ARHGAP5: variants seen among roughly 807,000 people sequenced by gnomAD.
ARHGAP5 encodes the protein rho GTPase-activating protein 5.
A neutral mutation model predicts 116.6 loss-of-function variants in ARHGAP5; 23 were observed. The observed-to-expected ratio is 0.20, with a 90% CI of 0.14 to 0.28. ARHGAP5 has a LOEUF of 0.28. ARHGAP5 is among the 10% of genes least tolerant of loss of function. ARHGAP5 has a pLI of 1.00. For missense variants in ARHGAP5, 1,405 were observed against 1,774.8 expected, an observed-to-expected ratio of 0.79 and a Z score of 3.74; for synonymous variants, 574 against 602.0, an observed-to-expected ratio of 0.95 and a Z score of 0.68.
chr14:32,083,806 C>T (rs2041802230), intron 1 of ARHGAP5, among the ~76,000 whole-genome samples: 1 of 152,166 alleles, frequency 6.6e-6, no homozygotes, highest in Non-Finnish European at 1.5e-5. Flanking sequence ...TTATGCCCTT[C>T]TCCCCACTTC....
intron 1 of ARHGAP5, among the ~76,000 whole-genome samples, chr14:32,077,692 A>G (rs1057237359): frequency 1.3e-5 from 2 of 151,966 alleles, no homozygotes; most frequent in African/African-American, 4.8e-5. Context: ...TCCACAGGTG[A>G]CGGGGCCAGG....
At position 32,091,491 on chromosome 14, in the gene ARHGAP5, T is replaced by C; in HGVS notation, c.822T>C (p.Asp274=). The C allele has an allele frequency of 6.2e-7, 1 of 1,613,286 alleles. No homozygotes were observed. Among genetic ancestry groups the C allele is most frequent in the Non-Finnish European group, 8.5e-7 (1 of 1,179,560 alleles). Residue 274 remains aspartate, a synonymous_variant, in exon 2 of 7, where the codon GAT becomes GAC. Transcript: ENST00000345122. ...GACAACTTGTTGTCACAGCAACAGA[T>C]AAGTTTGAAAAACTTGTGCAGACTG... ...TQRQLVVTAT[D]KFEKLVQTVR...
intron 3 of ARHGAP5, among the ~76,000 whole-genome samples, chr14:32,132,523 C>G (rs967802149): frequency 1.3e-5 from 2 of 152,092 alleles, no homozygotes; most frequent in Non-Finnish European, 2.9e-5. Context: ...AATTTTCTCC[C>G]ATTTTGTAGG....
chr14:32,115,815 C>CAA (rs35119475), intron 2 of ARHGAP5, among the ~76,000 whole-genome samples: 5,231 of 141,670 alleles, frequency 0.037, 260 homozygotes, highest in African/African-American at 0.11. Flanking sequence ...ACTAAAAATA[C>CAA]AAAAAAAAAA....
chr14:32,086,290 T>A lies in ARHGAP5; in HGVS notation c.-168-4212T>A, dbSNP rs1354847834. ...AGGTGAGAGAGGGTTGGAGAAGATC[T>A]TGTAAGCCATTGACAGGACTTGCTT... On this transcript the variant is annotated intron_variant, in intron 1 of 6. Coordinates refer to ENST00000345122, the MANE Select transcript of ARHGAP5 (RefSeq NM_001030055.2). 2.0e-5 allele frequency among the ~76,000 whole-genome samples: 3 copies of A among 152,260 alleles called. No homozygotes were observed. In the East Asian group the frequency reaches 5.8e-4, roughly 29 times the overall value.
intron 2 of ARHGAP5, among the ~76,000 whole-genome samples, chr14:32,094,602 A>G (rs750139175): frequency 3.9e-5 from 6 of 152,148 alleles, no homozygotes; most frequent in Non-Finnish European, 7.4e-5. Flanking sequence ...CAGCATAAAA[A>G]TTCTTGGTGA....
intron 1 of ARHGAP5, among the ~76,000 whole-genome samples, chr14:32,077,803 G>A (rs2041724418): frequency 6.6e-6 from 1 of 152,124 alleles, no homozygotes; most frequent in Admixed American, 6.5e-5. Context: ...TCCGTCGAGA[G>A]GGGAGGTGGC....
Position 32,090,862 on chromosome 14 carries a change from C to A in ARHGAP5, c.193C>A (p.Arg65=). ...SVLSTIDFGG[R]VVNNDHFLYW... is the part of the protein sequence containing the mutation. ...GCTTAGCACCATTGACTTTGGAGGA[C>A]GAGTAGTAAACAATGATCACTTTTT... The change falls in exon 2 of 7, where the codon CGA becomes AGA. Residue 65 remains arginine (R), a synonymous_variant. Coordinates refer to ENST00000345122, the MANE Select transcript of ARHGAP5 (RefSeq NM_001030055.2). 6.2e-7 allele frequency: 1 copy of A among 1,613,422 alleles called. No homozygotes were observed. The highest frequency in any genetic ancestry group is 8.5e-7 in the Non-Finnish European group (1 of 1,179,586).
At chr14:32,081,019 A>G (rs1481005856) in intron 1 of ARHGAP5, among the ~76,000 whole-genome samples, 1 of 152,180 alleles carries the variant, frequency 6.6e-6, no homozygotes, top group African/African-American at 2.4e-5. Context: ...TTCTAGTGTT[A>G]GATTAGATTT....
Position 32,152,430 on chromosome 14 carries a change from G to A in ARHGAP5, c.4083G>A (p.Pro1361=), listed in dbSNP as rs370895550. The part of the protein sequence containing the change: ...HPELLEAAKI[P]DKTERLHALK... Reference sequence around the variant, plus strand: ...ACTGTTTTAATTTTACAGAAATCCCGGATAAAACAGAACGTCTTCATGCCT... The same window carrying A: ...ACTGTTTTAATTTTACAGAAATCCCAGATAAAACAGAACGTCTTCATGCCT... Residue 1361 remains proline (P), a synonymous_variant, in exon 6 of 7, where the codon CCG becomes CCA. Coordinates refer to ENST00000345122, the MANE Select transcript of ARHGAP5 (RefSeq NM_001030055.2). The A allele has an allele frequency of 2.9e-5, 46 of 1,592,002 alleles. No homozygotes were observed. The highest frequency in any genetic ancestry group is 9.5e-5 in the African/African-American group (7 of 73,668).
intron 1 of ARHGAP5, among the ~76,000 whole-genome samples, chr14:32,079,014 C>T (rs955201987): frequency 3.3e-5 from 5 of 152,094 alleles, no homozygotes; most frequent in African/African-American, 1.2e-4. Flanking sequence ...TACTAATTGA[C>T]CTCCATTACC....
intron 2 of ARHGAP5, among the ~76,000 whole-genome samples, chr14:32,099,308 G>A (rs1174262283): frequency 1.3e-5 from 2 of 152,104 alleles, no homozygotes; most frequent in South Asian, 2.1e-4. Flanking sequence ...AGGAAGTTAC[G>A]GGTCATCGGC....
At chr14:32,115,291 G>GA (rs1185624648) in intron 2 of ARHGAP5, among the ~76,000 whole-genome samples, 2 of 152,180 alleles carry the variant, frequency 1.3e-5, no homozygotes, top group Non-Finnish European at 1.5e-5. Flanking sequence ...GTTAAACTGT[G>GA]AAAATTCTTA....
intron 3 of ARHGAP5, among the ~76,000 whole-genome samples, chr14:32,140,086 G>GTTTTTTTTT (rs1566681639): frequency 1.1e-4 from 5 of 43,632 alleles, no homozygotes; most frequent in Non-Finnish European, 2.4e-4. Flanking sequence ...TTTTTTTTTA[G>GTTTTTTTTT]GTTATTTGTT....
chr14:32,127,301 T>C (rs745942264), intron 3 of ARHGAP5, among the ~76,000 whole-genome samples: 15 of 152,132 alleles, frequency 9.9e-5, no homozygotes, highest in Non-Finnish European at 1.9e-4. Flanking sequence ...CTCTGGTTTT[T>C]CTAGGCAGAG....
rs369227675 is a variant in ARHGAP5 at position 32,126,556 on chromosome 14, T to G, written c.3865+9269T>G. 2.6e-5 allele frequency among the ~76,000 whole-genome samples: 4 copies of G among 152,338 alleles called. No individual in the cohort carries two copies. The East Asian group carries it at 7.7e-4, about 29-fold the overall frequency. On this transcript the variant is annotated intron_variant, in intron 3 of 6. Coordinates refer to ENST00000345122, the MANE Select transcript of ARHGAP5 (RefSeq NM_001030055.2). ...AACTAACTACATCTGCAATGATCTATTCCCAATAAGGTCACCTTCTAAGGT... is the reference window on the plus strand; with the variant it reads ...AACTAACTACATCTGCAATGATCTAGTCCCAATAAGGTCACCTTCTAAGGT...
intron 4 of ARHGAP5, among the ~76,000 whole-genome samples, chr14:32,148,611 A>G (rs1338880996): frequency 1.3e-5 from 2 of 152,224 alleles, no homozygotes; most frequent in Non-Finnish European, 2.9e-5. Flanking sequence ...TATTTAAATG[A>G]AATCTAAATG....
intron 5 of ARHGAP5, among the ~76,000 whole-genome samples, chr14:32,151,553 A>G (rs1881639288): frequency 6.6e-6 from 1 of 152,268 alleles, no homozygotes; most frequent in Non-Finnish European, 1.5e-5. Flanking sequence ...TCGTTTTTAC[A>G]CCAAGAGAAA....
chr14:32,108,408 AAG>A (rs145809773), intron 2 of ARHGAP5, among the ~76,000 whole-genome samples: 3,002 of 152,234 alleles, frequency 0.02, 98 homozygotes, highest in African/African-American at 0.067. Context: ...AAGGAGAAGA[AAG>A]AGAGGAAGGA....
Sources: allele counts gnomAD v4.1 joint callset (sites outside exome capture counted in the v4.1 genomes callset), GRCh38; gene constraint gnomAD v4.1.1; transcripts MANE v1.5; gene names NCBI Gene and HGNC (gene_info 2026-07-23, HGNC 2026-07-21).